The following KCNH8 variants were observed in gnomAD, a reference collection of about 807,000 sequenced individuals.
KCNH8 encodes potassium voltage-gated channel subfamily H member 8.
KCNH8 carries 70 observed loss-of-function variants against 103.6 expected under a neutral mutation model. That is an observed-to-expected ratio of 0.68 (90% CI 0.56 to 0.82). The LOEUF is 0.82. KCNH8 is among the 40% of genes least tolerant of loss of function. The probability of loss-of-function intolerance (pLI) is 0.00; values close to 1 mark genes in which losing one functional copy is unlikely to be tolerated. For synonymous variants in KCNH8, 498 were observed against 489.4 expected, an observed-to-expected ratio of 1.02 and a Z score of -0.23; for missense variants, 1,217 against 1,329.9, an observed-to-expected ratio of 0.92 and a Z score of 1.32.
At chr3:19,480,551 A>G (rs1055947116) in intron 11 of KCNH8, among the ~76,000 whole-genome samples, 2 of 152,200 alleles carry the variant, frequency 1.3e-5, no homozygotes, top group Admixed American at 6.5e-5. Context: ...TTGAATAGCC[A>G]AAGTCAGGTA....
At chr3:19,207,215 A>T (rs182895471) in intron 1 of KCNH8, among the ~76,000 whole-genome samples, 2 of 152,156 alleles carry the variant, frequency 1.3e-5, no homozygotes, top group African/African-American at 4.8e-5. Context: ...TCAGGGGTAA[A>T]AAAAGAGCTT....
chr3:19,368,818 G>C (rs1053668120), intron 5 of KCNH8, among the ~76,000 whole-genome samples: 3 of 151,896 alleles, frequency 2.0e-5, no homozygotes, highest in Admixed American at 1.3e-4. Context: ...AAAACAGATG[G>C]TCTCGTCAAG....
At chr3:19,500,478 T>G (rs1369591332) in intron 11 of KCNH8, among the ~76,000 whole-genome samples, 2 of 141,556 alleles carry the variant, frequency 1.4e-5, no homozygotes, top group East Asian at 1.9e-4. Context: ...ATCAACAGAA[T>G]ATACATTTTT....
rs2067430750 is a variant in KCNH8, at chr3:19,450,485, A to G, written c.1575+180A>G. 9.8e-6 allele frequency: 6 copies of G among 610,168 alleles called. No homozygotes were observed. The South Asian group carries it at 9.9e-5, about 10-fold the overall frequency. 37.8% of individuals were successfully genotyped at this position (610,168 alleles called of 1,614,324 possible). ...CACTTGCTTTGGCTTGTGTTTTCAC[A>G]ATGCCAATTTGGATTGACCGAAGTT... On this transcript the variant is annotated intron_variant, in intron 9 of 15. Coordinates refer to ENST00000328405, the MANE Select transcript of KCNH8 (RefSeq NM_144633.3).
chr3:19,492,137 T>C (rs1275752927), intron 11 of KCNH8, among the ~76,000 whole-genome samples: 1 of 152,192 alleles, frequency 6.6e-6, no homozygotes, highest in Non-Finnish European at 1.5e-5. Context: ...CTGTTTACTC[T>C]CTTGATAGTT....
At chr3:19,419,239 G>A (rs1289329715) in intron 7 of KCNH8, among the ~76,000 whole-genome samples, 4 of 125,642 alleles carry the variant, frequency 3.2e-5, no homozygotes, top group South Asian at 2.6e-4. Context: ...TCGCTCTGTC[G>A]CCCAGGCTGG....
intron 6 of KCNH8, 65 bp downstream of exon 6, chr3:19,390,703 T>A: frequency 1.3e-6 from 2 of 1,484,822 alleles, no homozygotes; most frequent in Non-Finnish European, 1.8e-6. Context: ...GTTCAGGTTT[T>A]AAATGCTTGT....
chr3:19,215,602 A>G (rs1175675896), intron 1 of KCNH8, among the ~76,000 whole-genome samples: 1 of 152,196 alleles, frequency 6.6e-6, no homozygotes, highest in Non-Finnish European at 1.5e-5. Flanking sequence ...GTTTTTGACC[A>G]TTGCATGCAG....
intron 1 of KCNH8, among the ~76,000 whole-genome samples, chr3:19,243,095 A>G (rs1187841616): frequency 1.3e-5 from 2 of 152,166 alleles, no homozygotes; most frequent in African/African-American, 4.8e-5. Flanking sequence ...CAGATTCAAA[A>G]TACAGAATGC....
At chr3:19,266,472 G>C (rs1038799616) in intron 2 of KCNH8, among the ~76,000 whole-genome samples, 1 of 152,020 alleles carries the variant, frequency 6.6e-6, no homozygotes, top group Non-Finnish European at 1.5e-5. Context: ...TCATCTATGA[G>C]GCTTTCAACT....
intron 1 of KCNH8, among the ~76,000 whole-genome samples, chr3:19,181,593 C>G (rs768283245): frequency 1.3e-5 from 2 of 152,106 alleles, no homozygotes; most frequent in Non-Finnish European, 1.5e-5. Context: ...AATATAATAA[C>G]TATATGTAAT....
intron 11 of KCNH8, among the ~76,000 whole-genome samples, chr3:19,457,588 T>A (rs1381925867): frequency 6.6e-6 from 1 of 152,050 alleles, no homozygotes; most frequent in Non-Finnish European, 1.5e-5. Flanking sequence ...ATTAAGCTGA[T>A]CGTGAACATG....
intron 1 of KCNH8, among the ~76,000 whole-genome samples, chr3:19,203,529 A>G (rs1445885047): frequency 1.3e-5 from 2 of 152,114 alleles, no homozygotes; most frequent in East Asian, 3.8e-4. Flanking sequence ...CAAAAAATGT[A>G]AATTGAAAAT....
intron 1 of KCNH8, among the ~76,000 whole-genome samples, chr3:19,158,526 A>AT (rs1250724762): frequency 6.6e-6 from 1 of 151,858 alleles, no homozygotes; most frequent in Non-Finnish European, 1.5e-5. Context: ...GAAATACGAC[A>AT]TTTTTGTGAT....
intron 1 of KCNH8, among the ~76,000 whole-genome samples, chr3:19,178,435 G>C (rs1255629162): frequency 1.3e-5 from 2 of 152,080 alleles, no homozygotes; most frequent in Non-Finnish European, 2.9e-5. Context: ...ATAAAAGGAT[G>C]AATGTTTCTT....
chr3:19,351,822 C>T (rs528948474), intron 5 of KCNH8, among the ~76,000 whole-genome samples: 6 of 152,202 alleles, frequency 3.9e-5, no homozygotes, highest in South Asian at 2.1e-4. Flanking sequence ...GAAGAAACTG[C>T]GTCAACTAAC....
intron 11 of KCNH8, among the ~76,000 whole-genome samples, chr3:19,477,846 T>C (rs755801264): frequency 1.3e-5 from 2 of 152,154 alleles, no homozygotes; most frequent in Non-Finnish European, 2.9e-5. Context: ...TAGTGGTGAA[T>C]TCTGGGCTAT....
chr3:19,419,197 T>TG (rs2066909584), intron 7 of KCNH8, among the ~76,000 whole-genome samples: 2 of 131,776 alleles, frequency 1.5e-5, no homozygotes, highest in Non-Finnish European at 1.6e-5. Flanking sequence ...TGGTTTTGGT[T>TG]TTTTTTTTTT....
At chr3:19,286,795 C>G (rs953165520) in intron 3 of KCNH8, among the ~76,000 whole-genome samples, 31 of 152,062 alleles carry the variant, frequency 2.0e-4, no homozygotes, top group Non-Finnish European at 4.4e-5. Context: ...TGAAATGAAA[C>G]CATCCACTAT....
Sources: gnomAD v4.1 joint callset for allele counts (sites outside exome capture counted in the v4.1 genomes callset) on GRCh38, gnomAD v4.1.1 for gene constraint, MANE v1.5 for transcripts, NCBI Gene and HGNC (gene_info 2026-07-23, HGNC 2026-07-21) for gene names.